UVSSA: variants seen among roughly 807,000 people sequenced by gnomAD.
UVSSA encodes UV stimulated scaffold protein A.
UVSSA carries 72 observed loss-of-function variants against 73.9 expected under a neutral mutation model. The ratio of observed to expected loss-of-function variants is 0.97; its 90% CI spans 0.81 to 1.19. UVSSA has a LOEUF of 1.19. Among genes scored for constraint, UVSSA ranks in the 50% most tolerant of loss-of-function variants. The pLI, the probability that UVSSA is intolerant of heterozygous loss-of-function variation, is 0.00. For missense variants in UVSSA, 1,150 were observed against 965.0 expected (o/e 1.19, Z -2.54); for synonymous variants, 454 against 391.3 (o/e 1.16, Z -1.89).
intron 13 of UVSSA, 147 bp from the exon 14 acceptor site, chr4:1,385,721 C>G: frequency 3.8e-6 from 3 of 785,210 alleles, no homozygotes; most frequent in Non-Finnish European, 6.4e-6. Context: ...CCATCTGTCT[C>G]TGAAGGTGGC....
chr4:1,362,981 C>T (rs533431421), intron 7 of UVSSA, among the ~76,000 whole-genome samples: 1 of 152,340 alleles, frequency 6.6e-6, no homozygotes, highest in East Asian at 1.9e-4. Flanking sequence ...TTGGAGGTGA[C>T]CGCACTGTGC....
intron 10 of UVSSA, among the ~76,000 whole-genome samples, chr4:1,377,853 C>G (rs1718964702): frequency 6.6e-6 from 1 of 152,280 alleles, no homozygotes; most frequent in African/African-American, 2.4e-5. Context: ...CTGCTGTGGT[C>G]GGCTTGATGG....
Position 1,366,392 on chromosome 4 carries a change from T to C in UVSSA, c.1249T>C (p.Tyr417His). Residue 417 changes from tyrosine (Y) to histidine (H), a missense_variant, in exon 8 of 14, where the codon TAT becomes CAT. Transcript: ENST00000389851. ...DFVEVPEKEG[Y>H]EPHIPDHLRP... ...TGTGGAGGTCCCTGAGAAGGAGGGGTATGAGCCACACATCCCCGACCACTT... is the reference window on the plus strand; with the variant it reads ...TGTGGAGGTCCCTGAGAAGGAGGGGCATGAGCCACACATCCCCGACCACTT... The C allele has an allele frequency of 6.2e-7, 1 of 1,612,966 alleles. No homozygotes were observed. Among genetic ancestry groups the C allele is most frequent in the African/African-American group, 1.3e-5 (1 of 74,844 alleles).
chr4:1,354,852 GCCTC>G lies in UVSSA; in HGVS notation c.1047+6_1047+9del. 1 of 1,595,736 alleles carries G rather than the reference GCCTC, an allele frequency of 6.3e-7. No individual in the cohort carries two copies. ...GCTGTGTGCTCGTGGATCCAGGTGA[GCCTC>G]GAACCTGGGACCTGTGGGTGGAGGG... On this transcript the variant is annotated splice_donor_region_variant and intron_variant, in intron 6 of 13. Transcript: ENST00000389851.
intron 7 of UVSSA, among the ~76,000 whole-genome samples, chr4:1,360,177 A>G (rs1032075001): frequency 3.9e-5 from 6 of 152,220 alleles, no homozygotes; most frequent in African/African-American, 1.4e-4. Flanking sequence ...AGGGCTGCCC[A>G]CGGGGGGCGG....
At chr4:1,381,974 G>A in intron 12 of UVSSA, among the ~76,000 whole-genome samples, 1 of 152,194 alleles carries the variant, frequency 6.6e-6, no homozygotes, top group East Asian at 1.9e-4. Context: ...GTCCCTTCTG[G>A]AGAGTGGCCA....
intron 8 of UVSSA, among the ~76,000 whole-genome samples, chr4:1,372,253 C>G (rs1718143020): frequency 6.6e-6 from 1 of 152,182 alleles, no homozygotes; most frequent in African/African-American, 2.4e-5. Flanking sequence ...ACTCCAGAGT[C>G]TGTCTTTCTG....
rs1347712400 is a variant in UVSSA, at chr4:1,349,726, C to T, written c.301C>T (p.Pro101Ser). ...LGTDPAQPLPPPREAAQRLRQ... is the reference protein window; with the variant it reads ...LGTDPAQPLPSPREAAQRLRQ... ...CACAGACCCCGCACAGCCTCTGCCG[C>T]CCCCCAGGGAGGCGGCACAGAGGCT... The change falls in exon 3 of 14, where the codon CCC becomes TCC. Residue 101 changes from proline to serine, a missense_variant. Coordinates refer to ENST00000389851, the MANE Select transcript of UVSSA (RefSeq NM_020894.4). 2.5e-6 allele frequency: 4 copies of T among 1,613,588 alleles called. No individual in the cohort carries two copies. Among genetic ancestry groups the T allele is most frequent in the East Asian group, 2.2e-5 (1 of 44,888 alleles).
Position 1,386,296 on chromosome 4 carries a change from C to G in UVSSA, c.*335C>G. 1 of 249,626 alleles carries G rather than the reference C, an allele frequency of 4.0e-6. No homozygotes were observed. The highest frequency in any genetic ancestry group is 8.0e-6 in the Non-Finnish European group (1 of 125,746). 15.5% of individuals were successfully genotyped at this position (249,626 alleles called of 1,614,324 possible). ...CAGCACGGACGGAATGTGTGTGCAGCTCAGCCTTCAGAGCGTGCATTCCCC... is the reference window on the plus strand; with the variant it reads ...CAGCACGGACGGAATGTGTGTGCAGGTCAGCCTTCAGAGCGTGCATTCCCC... On this transcript the variant is annotated 3_prime_UTR_variant, in exon 14 of 14. Transcript: ENST00000389851.
Position 1,362,170 on chromosome 4 carries a change from T to G in UVSSA, c.1177-4150T>G, listed in dbSNP as rs1716741404. On this transcript the variant is annotated intron_variant, in intron 7 of 13. Transcript: ENST00000389851. ...TGGAGGCTCATTTTTCTAAATCCTT[T>G]TAAGTGTGGGTGAGAATCCATTTGT... Among the ~76,000 whole-genome samples, 3 of 152,224 alleles carry G rather than the reference T, an allele frequency of 2.0e-5. No homozygotes were observed. In the South Asian group the frequency reaches 6.2e-4, roughly 32 times the overall value.
intron 8 of UVSSA, chr4:1,375,107 A>C: frequency 3.7e-6 from 2 of 545,608 alleles, no homozygotes; most frequent in Non-Finnish European, 6.5e-6. Context: ...GCCCGGCAGC[A>C]CAGTGTGTGA....
At chr4:1,380,640 G>C in intron 11 of UVSSA, 1 of 1,523,000 alleles carries the variant, frequency 6.6e-7, no homozygotes, top group Admixed American at 2.0e-5. Flanking sequence ...GGGAGGCCTA[G>C]ACTTTCCACA....
At chr4:1,375,614 A>G (rs982864402) in intron 9 of UVSSA, 106 bp downstream of exon 9, 98 of 1,493,496 alleles carry the variant, frequency 6.6e-5, no homozygotes, top group Non-Finnish European at 8.7e-5. Flanking sequence ...TTTTCTGGAT[A>G]TCTTGGTGGA....
At chr4:1,383,692 C>T (rs1051387740) in intron 12 of UVSSA, 74 bp from the exon 13 acceptor site, 4 of 1,586,106 alleles carry the variant, frequency 2.5e-6, no homozygotes, top group African/African-American at 2.7e-5. Context: ...ACCAAGAGCC[C>T]CTCCTGGGGG....
intron 10 of UVSSA, among the ~76,000 whole-genome samples, chr4:1,378,653 G>C (rs923347531): frequency 2.0e-5 from 3 of 152,204 alleles, no homozygotes; most frequent in African/African-American, 7.2e-5. Flanking sequence ...GCTGCTGTGC[G>C]CCGGCTCCTG....
At chr4:1,351,995 G>A (rs888284460) in intron 4 of UVSSA, among the ~76,000 whole-genome samples, 160 bp downstream of exon 4, 2 of 152,344 alleles carry the variant, frequency 1.3e-5, no homozygotes, top group East Asian at 3.9e-4. Flanking sequence ...GTTCTTAGCC[G>A]TAGGCCTCCC....
At chr4:1,393,570 TAGATTAGATAGA>T (rs1337074692) in exon 14 of UVSSA, 1 of 125,810 alleles carries the variant, frequency 7.9e-6, no homozygotes, top group African/African-American at 3.1e-5. Context: ...GATAGATAGA[TAGATTAGATAGA>T]TAGATAGATA....
intron 7 of UVSSA, chr4:1,357,063 A>G (rs1715883233): frequency 6.6e-6 from 1 of 150,426 alleles, no homozygotes; most frequent in African/African-American, 2.5e-5. Context: ...GGGCCCCTCC[A>G]GCTGGTTATT....
In UVSSA at chr4:1,351,834, A is replaced by T; in HGVS notation, c.549A>T (p.Gln183His). Residue 183 changes from glutamine (Q) to histidine (H), a missense_variant and splice_region_variant, in exon 4 of 14, where the codon CAA becomes CAT. Transcript: ENST00000389851. ...CCAGCCAGGCGGAGAGGGAGATGCA[A>T]GGCAAGTGTCCAGGACGGAGGGAGG... ...ERASQAEREM[Q>H]EMSGEIESCL... 1 of 1,613,042 alleles carries T rather than the reference A, an allele frequency of 6.2e-7. No individual in the cohort carries two copies. The highest frequency in any genetic ancestry group is 8.5e-7 in the Non-Finnish European group (1 of 1,179,442).
Sources: allele counts gnomAD v4.1 joint callset (sites outside exome capture counted in the v4.1 genomes callset), GRCh38; gene constraint gnomAD v4.1.1; transcripts MANE v1.5; gene names NCBI Gene and HGNC (gene_info 2026-07-23, HGNC 2026-07-21).